BICD1: variants seen among roughly 807,000 people sequenced by gnomAD.
The protein encoded by BICD1 is protein bicaudal D homolog 1.
Under a neutral mutation model 92.5 loss-of-function variants are expected in BICD1, and 35 were observed. The observed-to-expected ratio is 0.38, with a 90% CI of 0.29 to 0.50. BICD1 has a LOEUF of 0.50. BICD1 is among the 20% of genes least tolerant of loss of function. The probability of loss-of-function intolerance (pLI) is 0.93; values close to 1 mark genes in which losing one functional copy is unlikely to be tolerated. For missense variants in BICD1, 950 were observed against 1,189.8 expected, an observed-to-expected ratio of 0.80 and a Z score of 2.97; for synonymous variants, 429 against 465.1, an observed-to-expected ratio of 0.92 and a Z score of 1.00.
chr12:32,149,465 T>G (rs1041206011), intron 1 of BICD1, among the ~76,000 whole-genome samples: 2 of 152,220 alleles, frequency 1.3e-5, no homozygotes, highest in African/African-American at 4.8e-5. Context: ...AGTCAAGAAA[T>G]GTATATTGCT....
chr12:32,314,678 T>C (rs1046001470), intron 4 of BICD1, among the ~76,000 whole-genome samples: 3 of 152,140 alleles, frequency 2.0e-5, no homozygotes, highest in Non-Finnish European at 4.4e-5. Context: ...ATCATAAAAG[T>C]GATTTATGAT....
chr12:32,273,452 T>A (rs1421594370), intron 2 of BICD1, among the ~76,000 whole-genome samples: 1 of 152,180 alleles, frequency 6.6e-6, no homozygotes, highest in African/African-American at 2.4e-5. Flanking sequence ...TCAGGCTCAC[T>A]GGATGTGCTC....
In BICD1 at chr12:32,236,805, A is replaced by G. The variant is rs973898609; in HGVS notation, c.426+20346A>G. On this transcript the variant is annotated intron_variant, in intron 2 of 9. Coordinates refer to ENST00000652176, the MANE Select transcript of BICD1 (RefSeq NM_001714.4). ...AAACAGCCTCATTGCCGATATGCAG[A>G]AAATTTGAGTGGTTCTAGATAGAAG... Among the ~76,000 whole-genome samples the G allele has an allele frequency of 1.1e-4, 16 of 152,242 alleles. No individual in the cohort carries two copies. In the East Asian group the frequency reaches 3.1e-3, roughly 29 times the overall value.
At chr12:32,131,794 T>TGGC (rs1477425583) in intron 1 of BICD1, among the ~76,000 whole-genome samples, 3 of 152,210 alleles carry the variant, frequency 2.0e-5, no homozygotes, top group African/African-American at 7.2e-5. Context: ...ACCCCAGCCA[T>TGGC]TGTTAGGTGC....
chr12:32,265,547 G>GAAA (rs11341415), intron 2 of BICD1, among the ~76,000 whole-genome samples: 1 of 125,708 alleles, frequency 8.0e-6, no homozygotes, highest in Non-Finnish European at 1.7e-5. Flanking sequence ...CGTTTCTACA[G>GAAA]AAAAAAAAAA....
chr12:32,143,239 T>C (rs571300601), intron 1 of BICD1, among the ~76,000 whole-genome samples: 19 of 152,190 alleles, frequency 1.2e-4, no homozygotes, highest in Middle Eastern at 3.4e-3. Flanking sequence ...ATGAAGGAAA[T>C]AGAATATCAT....
At chr12:32,157,858 G>C (rs1943485318) in intron 1 of BICD1, among the ~76,000 whole-genome samples, 1 of 152,116 alleles carries the variant, frequency 6.6e-6, no homozygotes. Flanking sequence ...CTTGGTTAAG[G>C]TGTGGTCTTT....
rs539674777 is a variant in BICD1 at position 32,373,695 on chromosome 12, AC to A, written c.2841-3841del. Among the ~76,000 whole-genome samples the A allele has an allele frequency of 1.4e-3, 212 of 148,124 alleles. 1 individual carries two copies. Among genetic ancestry groups the A allele is most frequent in the African/African-American group, 5.1e-3 (206 of 40,078 alleles). Reference sequence around the variant, plus strand: ...AGACTGTCATGGCTAACACAGTGAAACCCCGTCTCTACTAAAAAAAAAAAAA... The same window carrying A: ...AGACTGTCATGGCTAACACAGTGAAACCCGTCTCTACTAAAAAAAAAAAAA... On this transcript the variant is annotated intron_variant, in intron 9 of 9. Coordinates refer to ENST00000652176, the MANE Select transcript of BICD1 (RefSeq NM_001714.4).
chr12:32,226,638 G>C (rs867324665), intron 2 of BICD1, among the ~76,000 whole-genome samples: 17 of 152,172 alleles, frequency 1.1e-4, no homozygotes, highest in Middle Eastern at 3.2e-3. Context: ...GCATCCCACA[G>C]GGCCAGGCCA....
chr12:32,377,584 A>G lies in BICD1; in HGVS notation c.2885A>G (p.Gln962Arg). Residue 962 changes from glutamine to arginine, a missense_variant, in exon 10 of 10, where the codon CAG becomes CGG. Around this residue, in one of 5 missense-constraint regions of BICD1, gnomAD observed 179 missense variants for 186.7 expected, o/e 0.96. Coordinates refer to ENST00000652176, the MANE Select transcript of BICD1 (RefSeq NM_001714.4). ...LPEEQPHSSS[Q>R]CAPLHCLSKP... The stretch of plus-strand genomic sequence containing the variant: ...GAGGAGCAGCCACATTCCAGCTCCC[A>G]GTGCGCCCCTCTCCACTGTCTCTCC... 1.2e-6 allele frequency: 2 copies of G among 1,614,070 alleles called. No homozygotes were observed. The highest frequency in any genetic ancestry group is 1.7e-6 in the Non-Finnish European group (2 of 1,180,014).
At chr12:32,216,662 T>G (rs1282299212) in intron 2 of BICD1, among the ~76,000 whole-genome samples, 1 of 152,234 alleles carries the variant, frequency 6.6e-6, no homozygotes, top group Admixed American at 6.5e-5. Flanking sequence ...CTTTTATTGT[T>G]TCTTGAAAAT....
chr12:32,165,522 A>G (rs1272767150), intron 1 of BICD1, among the ~76,000 whole-genome samples: 2 of 151,674 alleles, frequency 1.3e-5, no homozygotes, highest in Non-Finnish European at 2.9e-5. Flanking sequence ...TCACAAAACA[A>G]AACAAAACAA....
intron 4 of BICD1, among the ~76,000 whole-genome samples, chr12:32,317,879 A>G (rs1478939770): frequency 6.6e-6 from 1 of 151,944 alleles, no homozygotes; most frequent in African/African-American, 2.4e-5. Context: ...ATCTTGAATT[A>G]ATTTTTGTAT....
At chr12:32,348,946 T>C (rs1938753055) in intron 8 of BICD1, among the ~76,000 whole-genome samples, 1 of 152,022 alleles carries the variant, frequency 6.6e-6, no homozygotes, top group Non-Finnish European at 1.5e-5. Context: ...CTTCTACCTG[T>C]GTGTGCTGTC....
chr12:32,307,480 G>T (rs748463132), intron 4 of BICD1, among the ~76,000 whole-genome samples: 1 of 152,166 alleles, frequency 6.6e-6, no homozygotes, highest in Non-Finnish European at 1.5e-5. Context: ...GGAGCTCCGT[G>T]TAGATCTACT....
chr12:32,253,875 C>T (rs1592562288), intron 2 of BICD1, among the ~76,000 whole-genome samples: 4 of 124,366 alleles, frequency 3.2e-5, no homozygotes, highest in Admixed American at 1.6e-4. Context: ...ATAATCACTG[C>T]CGTATCCCAC....
chr12:32,201,609 A>G (rs996788992), intron 1 of BICD1, among the ~76,000 whole-genome samples: 2 of 152,200 alleles, frequency 1.3e-5, no homozygotes. Context: ...GACCCAGAAT[A>G]TAACTTATGA....
intron 8 of BICD1, among the ~76,000 whole-genome samples, chr12:32,358,750 T>TA (rs1271948481): frequency 6.6e-6 from 1 of 151,980 alleles, no homozygotes; most frequent in Non-Finnish European, 1.5e-5. Flanking sequence ...AAAAAAGTAA[T>TA]ACAGAAAGTG....
At chr12:32,330,977 A>T (rs902403447) in intron 5 of BICD1, among the ~76,000 whole-genome samples, 19 of 152,208 alleles carry the variant, frequency 1.2e-4, no homozygotes, top group African/African-American at 4.6e-4. Context: ...CCTACTAAAA[A>T]TACAAAATTA....
Sources: allele counts gnomAD v4.1 joint callset (sites outside exome capture counted in the v4.1 genomes callset), GRCh38; gene constraint gnomAD v4.1.1; regional missense constraint gnomAD v4.1.1; transcripts MANE v1.5; gene names NCBI Gene and HGNC (gene_info 2026-07-23, HGNC 2026-07-21).